Variants in SNTG1 observed in about 807,000 individuals in gnomAD.
SNTG1 encodes the protein gamma-1-syntrophin.
A neutral mutation model predicts 74.7 loss-of-function variants in SNTG1; 39 were observed. The observed-to-expected ratio is 0.52, with a 90% CI of 0.40 to 0.68. The LOEUF is 0.68. SNTG1 is among the 30% of genes least tolerant of loss of function. SNTG1 has a pLI of 0.00. For synonymous variants in SNTG1, 254 were observed against 217.1 expected, an observed-to-expected ratio of 1.17 and a Z score of -1.49; for missense variants, 685 against 609.5, an observed-to-expected ratio of 1.12 and a Z score of -1.30.
chr8:50,529,758 A>G (rs1162802631), intron 9 of SNTG1, among the ~76,000 whole-genome samples: 2 of 152,100 alleles, frequency 1.3e-5, no homozygotes, highest in Non-Finnish European at 2.9e-5. Flanking sequence ...ACATTTTTGC[A>G]TCATGGAAAA....
At chr8:50,551,993 A>G (rs1374806500) in intron 11 of SNTG1, among the ~76,000 whole-genome samples, 1 of 152,180 alleles carries the variant, frequency 6.6e-6, no homozygotes, top group Admixed American at 6.5e-5. Flanking sequence ...TGTTTGGGGA[A>G]TAAACTCTGT....
At chr8:50,236,173 A>C (rs2085883757) in intron 2 of SNTG1, among the ~76,000 whole-genome samples, 1 of 151,814 alleles carries the variant, frequency 6.6e-6, no homozygotes, top group Admixed American at 6.6e-5. Flanking sequence ...AGTCTAACAA[A>C]GAGTGCCACT....
At position 50,264,347 on chromosome 8, in the gene SNTG1, C is replaced by T. The variant is rs991883190; in HGVS notation, c.-28+91712C>T. ...CTTTGGGAGGCTGAGGCGGGAAGAT[C>T]GTTTGAGGTCAGGAGTTCGAGACCA... On this transcript the variant is annotated intron_variant, in intron 2 of 18. Coordinates refer to ENST00000642720, the MANE Select transcript of SNTG1 (RefSeq NM_018967.5). Among the ~76,000 whole-genome samples, 14 of 152,008 alleles carry T rather than the reference C, an allele frequency of 9.2e-5. No individual in the cohort carries two copies. In the East Asian group the frequency reaches 2.5e-3, roughly 27 times the overall value.
chr8:50,226,806 C>T (rs1002464024), intron 2 of SNTG1, among the ~76,000 whole-genome samples: 3 of 152,126 alleles, frequency 2.0e-5, no homozygotes, highest in African/African-American at 4.8e-5. Context: ...TAGTCAGGCC[C>T]TCCTGAGTGT....
At chr8:50,073,079 CAT>C (rs939391926) in intron 1 of SNTG1, among the ~76,000 whole-genome samples, 2 of 152,118 alleles carry the variant, frequency 1.3e-5, no homozygotes, top group African/African-American at 4.8e-5. Flanking sequence ...AAGCTTGCTG[CAT>C]CAGTTGATTG....
intron 8 of SNTG1, among the ~76,000 whole-genome samples, chr8:50,483,706 G>T (rs2093759639): frequency 6.6e-6 from 1 of 152,156 alleles, no homozygotes; most frequent in South Asian, 2.1e-4. Context: ...GTTACATGTT[G>T]TGCAAACATT....
At chr8:50,723,864 CTAAGGCAG>C (rs1273550346) in intron 17 of SNTG1, among the ~76,000 whole-genome samples, 1 of 151,920 alleles carries the variant, frequency 6.6e-6, no homozygotes, top group Non-Finnish European at 1.5e-5. Context: ...AAAAGACTCC[CTAAGGCAG>C]TAATATTTGT....
At chr8:50,197,337 T>C (rs1185829162) in intron 2 of SNTG1, among the ~76,000 whole-genome samples, 1 of 152,236 alleles carries the variant, frequency 6.6e-6, no homozygotes, top group African/African-American at 2.4e-5. Context: ...ATTTCTGTTG[T>C]CTGTTTACAT....
chr8:50,173,483 G>A (rs998941643), intron 2 of SNTG1, among the ~76,000 whole-genome samples: 1 of 152,184 alleles, frequency 6.6e-6, no homozygotes, highest in African/African-American at 2.4e-5. Flanking sequence ...TATACTGTGT[G>A]CATATTTATG....
intron 9 of SNTG1, among the ~76,000 whole-genome samples, chr8:50,519,640 A>G (rs10107203): frequency 2.6e-4 from 40 of 152,284 alleles, no homozygotes; most frequent in African/African-American, 8.9e-4. Flanking sequence ...AAAAATCACA[A>G]TCATTCCTAT....
At chr8:50,044,867 T>C (rs550906784) in intron 1 of SNTG1, among the ~76,000 whole-genome samples, 3 of 152,280 alleles carry the variant, frequency 2.0e-5, no homozygotes, top group South Asian at 2.1e-4. Flanking sequence ...GATTTTATGG[T>C]TATAAGGAAA....
At chr8:50,272,634 G>C (rs1191875551) in intron 2 of SNTG1, among the ~76,000 whole-genome samples, 1 of 152,150 alleles carries the variant, frequency 6.6e-6, no homozygotes, top group Non-Finnish European at 1.5e-5. Flanking sequence ...GATACCCGTG[G>C]ACTTTAAGCA....
chr8:50,707,459 T>A (rs1254709653), intron 16 of SNTG1, among the ~76,000 whole-genome samples: 1 of 143,486 alleles, frequency 7.0e-6, no homozygotes, highest in Non-Finnish European at 1.5e-5. Context: ...TTTAGTCTGC[T>A]TTTTTTAAAA....
intron 13 of SNTG1, 102 bp downstream of exon 13, chr8:50,591,019 C>A: frequency 2.9e-6 from 2 of 691,430 alleles, no homozygotes; most frequent in East Asian, 3.2e-5. Context: ...ATAATTGGTA[C>A]TGTCATTTAC....
At chr8:50,195,748 C>T (rs531656345) in intron 2 of SNTG1, among the ~76,000 whole-genome samples, 13 of 152,274 alleles carry the variant, frequency 8.5e-5, no homozygotes, top group African/African-American at 2.9e-4. Flanking sequence ...AGAGAAGGGT[C>T]TCCCTTTCCC....
intron 9 of SNTG1, among the ~76,000 whole-genome samples, chr8:50,510,145 A>T (rs931484489): frequency 5.9e-5 from 9 of 152,142 alleles, no homozygotes; most frequent in Non-Finnish European, 1.3e-4. Context: ...ATTTTGTCAA[A>T]GGCCTTTTTT....
At chr8:50,779,216 G>T (rs1381435192) in intron 18 of SNTG1, among the ~76,000 whole-genome samples, 5 of 152,208 alleles carry the variant, frequency 3.3e-5, no homozygotes, top group Admixed American at 3.3e-4. Flanking sequence ...GAACTTTAAA[G>T]TAGTTTTTTC....
chr8:50,247,721 G>C (rs550436192), intron 2 of SNTG1, among the ~76,000 whole-genome samples: 1 of 151,014 alleles, frequency 6.6e-6, no homozygotes, highest in South Asian at 2.1e-4. Context: ...ACTGGGTCTT[G>C]TCACGTTGCC....
At chr8:50,410,583 A>G (rs973674825) in intron 4 of SNTG1, among the ~76,000 whole-genome samples, 6 of 152,166 alleles carry the variant, frequency 3.9e-5, no homozygotes, top group Admixed American at 1.3e-4. Context: ...TAACACATCT[A>G]TCACCTCCCC....
Sources: allele counts gnomAD v4.1 joint callset (sites outside exome capture counted in the v4.1 genomes callset), GRCh38; gene constraint gnomAD v4.1.1; transcripts MANE v1.5; gene names NCBI Gene and HGNC (gene_info 2026-07-23, HGNC 2026-07-21).